CTTNBP2: variants seen among roughly 807,000 people sequenced by gnomAD.
CTTNBP2 encodes cortactin binding protein 2.
In CTTNBP2, 108 loss-of-function variants were observed where a neutral mutation model predicts 156.9. That is an observed-to-expected ratio of 0.69 (90% CI 0.59 to 0.81). CTTNBP2 has a LOEUF of 0.81. CTTNBP2 is among the 30% of genes least tolerant of loss of function. The probability of loss-of-function intolerance (pLI) is 0.00; values close to 1 mark genes in which losing one functional copy is unlikely to be tolerated. For missense variants in CTTNBP2, 1,924 were observed against 2,035.4 expected (o/e 0.95, Z 1.05); for synonymous variants, 767 against 751.8 (o/e 1.02, Z -0.33).
rs747322754 is a variant in CTTNBP2, at chr7:117,728,175, G to A, written c.3969C>T (p.Ala1323=). The change falls in exon 17 of 23, where the codon GCC becomes GCT. Residue 1323 remains alanine (A), a synonymous_variant. Transcript: ENST00000160373. The part of the protein sequence containing the change: ...SVWRQLNSCL[A]RLGTPEALLG... ...GAAGTGCTTCAGGTGTGCCCAAGCG[G>A]GCCAGGCAGGAGTTAAGCTGACGCC... The A allele has an allele frequency of 2.5e-5, 40 of 1,614,146 alleles. No individual in the cohort carries two copies. Among genetic ancestry groups the A allele is most frequent in the Non-Finnish European group, 3.4e-5 (40 of 1,179,996 alleles).
chr7:117,789,187 A>T (rs1798860426), intron 4 of CTTNBP2, among the ~76,000 whole-genome samples: 1 of 152,142 alleles, frequency 6.6e-6, no homozygotes, highest in South Asian at 2.1e-4. Context: ...CTGTTGACAA[A>T]ATGTTCCTCA....
At chr7:117,852,312 AG>A (rs374068709) in intron 2 of CTTNBP2, among the ~76,000 whole-genome samples, 1 of 152,020 alleles carries the variant, frequency 6.6e-6, no homozygotes, top group Admixed American at 6.5e-5. Context: ...AAAAAAAAAA[AG>A]ATCAAATATG....
At chr7:117,820,981 C>G (rs912950743) in intron 2 of CTTNBP2, among the ~76,000 whole-genome samples, 1 of 151,988 alleles carries the variant, frequency 6.6e-6, no homozygotes, top group Non-Finnish European at 1.5e-5. Context: ...TAGGTTTATT[C>G]TTATATTTTT....
intron 2 of CTTNBP2, among the ~76,000 whole-genome samples, chr7:117,831,505 A>C (rs1193583354): frequency 6.6e-6 from 1 of 152,132 alleles, no homozygotes; most frequent in Non-Finnish European, 1.5e-5. Flanking sequence ...CCTTCTTGCC[A>C]ATATGATTCA....
chr7:117,821,023 A>G (rs1800931494), intron 2 of CTTNBP2, among the ~76,000 whole-genome samples: 1 of 152,144 alleles, frequency 6.6e-6, no homozygotes, highest in Non-Finnish European at 1.5e-5. Flanking sequence ...TTTAAATTTC[A>G]CTTTCTAAAT....
At chr7:117,730,415 G>A (rs1215837221) in intron 16 of CTTNBP2, among the ~76,000 whole-genome samples, 3 of 152,124 alleles carry the variant, frequency 2.0e-5, no homozygotes, top group African/African-American at 7.2e-5. Flanking sequence ...TTTGAGTGTT[G>A]TACCCATGAA....
intron 9 of CTTNBP2, among the ~76,000 whole-genome samples, chr7:117,764,996 C>T (rs569534693): frequency 8.5e-5 from 13 of 152,230 alleles, no homozygotes; most frequent in Admixed American, 5.9e-4. Flanking sequence ...AGTGCAGTGG[C>T]GCCATCTTGG....
chr7:117,824,886 C>T (rs375292055), intron 2 of CTTNBP2, among the ~76,000 whole-genome samples: 1 of 152,334 alleles, frequency 6.6e-6, no homozygotes, highest in East Asian at 1.9e-4. Flanking sequence ...TGTTCCTTTG[C>T]ATTTTAAATG....
chr7:117,747,687 C>T (rs1044554260), intron 12 of CTTNBP2, among the ~76,000 whole-genome samples: 6 of 152,264 alleles, frequency 3.9e-5, no homozygotes, highest in Middle Eastern at 6.8e-3. Context: ...GCAGGAGAAT[C>T]GCTTGAACCC....
chr7:117,786,882 T>G (rs1798729840), intron 4 of CTTNBP2, among the ~76,000 whole-genome samples: 1 of 152,174 alleles, frequency 6.6e-6, no homozygotes. Flanking sequence ...TTTTTTCAAT[T>G]TGTTTTCAAT....
chr7:117,866,756 T>A (rs34298216), intron 1 of CTTNBP2, among the ~76,000 whole-genome samples: 45,735 of 152,066 alleles, frequency 0.3, 7,308 homozygotes, highest in South Asian at 0.36. Flanking sequence ...GGTAACTGGA[T>A]TACTGGACTG....
intron 12 of CTTNBP2, among the ~76,000 whole-genome samples, chr7:117,749,445 C>A (rs1796511305): frequency 6.6e-6 from 1 of 152,174 alleles, no homozygotes; most frequent in Non-Finnish European, 1.5e-5. Flanking sequence ...TGAAGATAAA[C>A]CACAGTCCCA....
intron 3 of CTTNBP2, among the ~76,000 whole-genome samples, chr7:117,800,977 A>G (rs1477727632): frequency 6.6e-6 from 1 of 152,172 alleles, no homozygotes; most frequent in Non-Finnish European, 1.5e-5. Flanking sequence ...CTAAAAAATG[A>G]TGAGAATATA....
intron 8 of CTTNBP2, among the ~76,000 whole-genome samples, chr7:117,770,912 G>T (rs1320776723): frequency 6.6e-6 from 1 of 152,194 alleles, no homozygotes; most frequent in African/African-American, 2.4e-5. Context: ...CAGGGATCTA[G>T]ATGGATGAGT....
At chr7:117,715,536 T>C (rs1038368946) in intron 22 of CTTNBP2, among the ~76,000 whole-genome samples, 6 of 150,440 alleles carry the variant, frequency 4.0e-5, no homozygotes, top group African/African-American at 1.2e-4. Context: ...AGATGTGAAC[T>C]TGTCCTTTCA....
At chr7:117,833,902 C>A (rs1214878874) in intron 2 of CTTNBP2, among the ~76,000 whole-genome samples, 1 of 152,166 alleles carries the variant, frequency 6.6e-6, no homozygotes, top group Non-Finnish European at 1.5e-5. Context: ...TTAAGAATTT[C>A]TCAGCTGAAA....
At chr7:117,786,127 T>A (rs183461182) in intron 4 of CTTNBP2, among the ~76,000 whole-genome samples, 154 of 152,294 alleles carry the variant, frequency 1.0e-3, no homozygotes, top group Non-Finnish European at 1.9e-3. Flanking sequence ...ATTTAAAAAA[T>A]TCTTTATTAA....
chr7:117,776,409 CTTTGACTAGTAAA>C (rs1798100885), intron 8 of CTTNBP2, among the ~76,000 whole-genome samples: 1 of 152,148 alleles, frequency 6.6e-6, no homozygotes, highest in Admixed American at 6.6e-5. Flanking sequence ...AATGGTTTCA[CTTTGACTAGTAAA>C]TTAAGACCAA....
At chr7:117,867,699 C>T (rs1397258999) in intron 1 of CTTNBP2, among the ~76,000 whole-genome samples, 1 of 152,172 alleles carries the variant, frequency 6.6e-6, no homozygotes, top group Non-Finnish European at 1.5e-5. Context: ...AGATGATTCT[C>T]TCAGTGTTTC....
Sources: allele counts gnomAD v4.1 joint callset (sites outside exome capture counted in the v4.1 genomes callset), GRCh38; gene constraint gnomAD v4.1.1; transcripts MANE v1.5; gene names NCBI Gene and HGNC (gene_info 2026-07-23, HGNC 2026-07-21).